BLTP1: variants seen among roughly 807,000 people sequenced by gnomAD.
BLTP1 encodes fragile site-associated protein.
At chr4:122,218,682 A>G in the BLTP1 span, among the ~76,000 whole-genome samples, 1 of 84,566 alleles carries the variant, frequency 1.2e-5, no homozygotes, top group East Asian at 3.7e-4. Flanking sequence ...AAATTTAAAT[A>G]TAGAATCAAT....
At chr4:122,178,266 G>A in the BLTP1 span, 1 of 482,300 alleles carries the variant, frequency 2.1e-6, no homozygotes. Flanking sequence ...CTTTTAAATT[G>A]TTTGTTTTCA....
At chr4:122,305,674 C>T in the BLTP1 span, 2 of 940,584 alleles carry the variant, frequency 2.1e-6, no homozygotes, top group Non-Finnish European at 2.5e-6. Context: ...TTATCTATGA[C>T]TTCATATTTA....
At chr4:122,192,194 A>G in the BLTP1 span, 2 of 1,597,662 alleles carry the variant, frequency 1.3e-6, no homozygotes, top group Non-Finnish European at 1.7e-6. Flanking sequence ...GCCATTTTAA[A>G]TAACTGCCTT....
At chr4:122,357,726 C>T in the BLTP1 span, among the ~76,000 whole-genome samples, 1 of 152,024 alleles carries the variant, frequency 6.6e-6, no homozygotes, top group African/African-American at 2.4e-5. Flanking sequence ...ATTTATTGCA[C>T]CGTTATGAAT....
chr4:122,227,407 A>AT, the BLTP1 span: 1 of 984,026 alleles, frequency 1.0e-6, no homozygotes, highest in Admixed American at 6.1e-5. Flanking sequence ...CCATAGTATT[A>AT]TTGTGCAATA....
chr4:122,318,984 T>C, the BLTP1 span, among the ~76,000 whole-genome samples: 1 of 152,320 alleles, frequency 6.6e-6, no homozygotes, highest in African/African-American at 2.4e-5. Flanking sequence ...GGAATCGGTC[T>C]ATTTCATCTA....
chr4:122,168,176 A>G, the BLTP1 span, among the ~76,000 whole-genome samples: 1 of 152,210 alleles, frequency 6.6e-6, no homozygotes, highest in Non-Finnish European at 1.5e-5. Context: ...TTAATCTAAT[A>G]TTTGGGAAAT....
At chr4:122,155,067 A>G in the BLTP1 span, 9 of 358,126 alleles carry the variant, frequency 2.5e-5, no homozygotes, top group Non-Finnish European at 3.1e-5. Context: ...TCAGACATCC[A>G]GGCTTCTGGT....
chr4:122,207,021 A>C, the BLTP1 span: 1 of 1,247,852 alleles, frequency 8.0e-7, no homozygotes, highest in East Asian at 2.4e-5. Context: ...AGAAAAATTC[A>C]TTTTTGACTG....
the BLTP1 span, chr4:122,302,167 G>A: frequency 2.3e-6 from 1 of 437,206 alleles, no homozygotes; most frequent in Non-Finnish European, 3.0e-6. Context: ...TGTATTTAAT[G>A]TATTCAATCC....
the BLTP1 span, among the ~76,000 whole-genome samples, chr4:122,155,161 A>G: frequency 2.0e-5 from 3 of 152,204 alleles, no homozygotes; most frequent in Admixed American, 2.0e-4. Context: ...GTGAATTAAT[A>G]TGTTTTCTTT....
At chr4:122,344,676 G>GTT in the BLTP1 span, 1 of 1,147,500 alleles carries the variant, frequency 8.7e-7, no homozygotes, top group Non-Finnish European at 1.2e-6. Flanking sequence ...TCAGTGATAA[G>GTT]TTGATATAAA....
the BLTP1 span, among the ~76,000 whole-genome samples, chr4:122,318,965 A>G: frequency 6.6e-6 from 1 of 152,154 alleles, no homozygotes; most frequent in Non-Finnish European, 1.5e-5. Flanking sequence ...AGAAAATTGT[A>G]TGTTTCAAGG....
chr4:122,317,482 T>C, the BLTP1 span, among the ~76,000 whole-genome samples: 11 of 152,174 alleles, frequency 7.2e-5, no homozygotes, highest in Non-Finnish European at 1.3e-4. Context: ...TATAAATAAA[T>C]CCATTAATCT....
chr4:122,207,523 T>C, the BLTP1 span: 1 of 1,502,062 alleles, frequency 6.7e-7, no homozygotes, highest in Non-Finnish European at 8.8e-7. Flanking sequence ...TCTTTTTTTT[T>C]TTTTTTTTCT....
the BLTP1 span, among the ~76,000 whole-genome samples, chr4:122,280,524 G>A: frequency 5.9e-5 from 9 of 151,860 alleles, no homozygotes; most frequent in Admixed American, 3.3e-4. Flanking sequence ...ATAAAAATAC[G>A]TGGTGGCAGG....
the BLTP1 span, among the ~76,000 whole-genome samples, chr4:122,191,795 A>G: frequency 3.3e-5 from 5 of 152,092 alleles, no homozygotes; most frequent in Non-Finnish European, 7.4e-5. Flanking sequence ...ATCCTTCAGT[A>G]ACAGATTGAA....
chr4:122,190,179 C>G, the BLTP1 span: 1 of 1,423,480 alleles, frequency 7.0e-7, no homozygotes, highest in Non-Finnish European at 9.5e-7. Context: ...CCACTATACC[C>G]TTGACCTTCC....
the BLTP1 span, chr4:122,263,115 T>G: frequency 1.4e-6 from 2 of 1,385,076 alleles, no homozygotes; most frequent in Non-Finnish European, 1.9e-6. Context: ...TGAGAAAAAA[T>G]TTTAGGAATC....
Sources: allele counts gnomAD v4.1 joint callset (sites outside exome capture counted in the v4.1 genomes callset), GRCh38; gene constraint gnomAD v4.1.1; transcripts MANE v1.5; gene names NCBI Gene and HGNC (gene_info 2026-07-23, HGNC 2026-07-21).